Variants in NR3C1 observed in about 807,000 individuals in gnomAD.
NR3C1 encodes the protein nuclear receptor subfamily 3 group C member 1.
NR3C1 carries 14 observed loss-of-function variants against 74.0 expected under a neutral mutation model. The ratio of observed to expected loss-of-function variants is 0.19; its 90% CI spans 0.12 to 0.30. The LOEUF is 0.30. Among genes scored for constraint, NR3C1 ranks in the 10% least tolerant of loss-of-function variants. The pLI, the probability that NR3C1 is intolerant of heterozygous loss-of-function variation, is 1.00. For missense variants in NR3C1, 695 were observed against 909.8 expected (o/e 0.76, Z 3.04); for synonymous variants, 308 against 332.5 (o/e 0.93, Z 0.80).
At chr5:143,418,294 TAGC>T (rs1280045864) in intron 1 of NR3C1, among the ~76,000 whole-genome samples, 1 of 152,212 alleles carries the variant, frequency 6.6e-6, no homozygotes, top group Non-Finnish European at 1.5e-5. Context: ...TTGTGTAACG[TAGC>T]AGACAAAGCA....
intron 7 of NR3C1, among the ~76,000 whole-genome samples, chr5:143,284,429 G>A (rs1344251575): frequency 6.7e-6 from 1 of 150,148 alleles, no homozygotes; most frequent in Non-Finnish European, 1.5e-5. Context: ...TTAATCAGGA[G>A]TGATAACGGC....
At chr5:143,342,305 A>G (rs1828390437) in intron 2 of NR3C1, among the ~76,000 whole-genome samples, 1 of 152,200 alleles carries the variant, frequency 6.6e-6, no homozygotes, top group Non-Finnish European at 1.5e-5. Context: ...GGTTATTTTA[A>G]TCTTGGCAAC....
At chr5:143,361,712 T>A (rs1359272953) in intron 2 of NR3C1, among the ~76,000 whole-genome samples, 1 of 152,198 alleles carries the variant, frequency 6.6e-6, no homozygotes, top group Non-Finnish European at 1.5e-5. Flanking sequence ...CTGTAAGAAA[T>A]TCCTAGATGT....
chr5:143,364,218 C>A (rs190792038), intron 2 of NR3C1, among the ~76,000 whole-genome samples: 113 of 152,314 alleles, frequency 7.4e-4, no homozygotes, highest in Admixed American at 1.4e-3. Context: ...CCATGGAGGT[C>A]AGAAGACAGT....
chr5:143,410,537 A>C (rs552053331), intron 1 of NR3C1, among the ~76,000 whole-genome samples: 1 of 152,154 alleles, frequency 6.6e-6, no homozygotes, highest in South Asian at 2.1e-4. Flanking sequence ...TCAATACAAG[A>C]CCTGGTTTTT....
rs138026280 is a variant in NR3C1 at position 143,368,686 on chromosome 5, G to A, written c.1184+30970C>T. ...AGCAGATGAAAAGATGTTCAACATC[G>A]TTAGTCATTTGGGAGACACAAATAA... is the stretch of plus-strand genomic sequence containing the variant. On this transcript the variant is annotated intron_variant, in intron 2 of 8. Transcript: ENST00000394464. Among the ~76,000 whole-genome samples, 168 of 152,088 alleles carry A rather than the reference G, an allele frequency of 1.1e-3. 3 individuals carry two copies. In the East Asian group the frequency reaches 0.022, roughly 20 times the overall value.
At chr5:143,360,267 A>C (rs1408782176) in intron 2 of NR3C1, among the ~76,000 whole-genome samples, 2 of 152,226 alleles carry the variant, frequency 1.3e-5, no homozygotes, top group Non-Finnish European at 2.9e-5. Flanking sequence ...CACTCTACTA[A>C]TATTTGTAAA....
upstream of NR3C1, chr5:143,405,265 G>T (rs1277370579): frequency 2.0e-6 from 2 of 985,662 alleles, no homozygotes; most frequent in African/African-American, 3.5e-5. Flanking sequence ...GCCAGCTCCT[G>T]ACACGGGCGG....
At chr5:143,421,600 C>T (rs1751237283) in intron 1 of NR3C1, among the ~76,000 whole-genome samples, 1 of 151,936 alleles carries the variant, frequency 6.6e-6, no homozygotes, top group Non-Finnish European at 1.5e-5. Context: ...GTGGGCACAT[C>T]ACTTGAGGTC....
intron 4 of NR3C1, among the ~76,000 whole-genome samples, chr5:143,307,478 G>A (rs2151589730): frequency 6.6e-6 from 1 of 152,172 alleles, no homozygotes; most frequent in East Asian, 1.9e-4. Flanking sequence ...TTTGGATAGG[G>A]AGAAATTGCC....
chr5:143,402,998 G>C (rs559703806), intron 1 of NR3C1, among the ~76,000 whole-genome samples: 40 of 151,534 alleles, frequency 2.6e-4, no homozygotes, highest in Non-Finnish European at 5.2e-4. Flanking sequence ...GCCCGGCCAG[G>C]GGACGCCTGC....
intron 3 of NR3C1, 23 bp from the exon 4 acceptor site, chr5:143,310,236 T>A (rs755346063): frequency 2.7e-5 from 41 of 1,524,626 alleles, no homozygotes; most frequent in Middle Eastern, 3.6e-4. Context: ...AAAGGCACTA[T>A]TAAAGTTTCA....
chr5:143,405,336 C>G (rs113937013), upstream of NR3C1: 17 of 985,600 alleles, frequency 1.7e-5, no homozygotes, highest in South Asian at 7.5e-4. Context: ...TCTCTCACCT[C>G]CCGCCGCGCT....
At chr5:143,293,974 C>A (rs1816545556) in intron 7 of NR3C1, 1 of 984,786 alleles carries the variant, frequency 1.0e-6, no homozygotes. Flanking sequence ...TGCTTAATCA[C>A]TTCTTTAACA....
intron 2 of NR3C1, among the ~76,000 whole-genome samples, chr5:143,352,919 A>G (rs528140780): frequency 1.3e-5 from 2 of 152,118 alleles, no homozygotes; most frequent in South Asian, 2.1e-4. Context: ...TCTTTTCATA[A>G]AAGATTTCTT....
At chr5:143,372,430 A>T (rs1834384716) in intron 2 of NR3C1, among the ~76,000 whole-genome samples, 1 of 152,204 alleles carries the variant, frequency 6.6e-6, no homozygotes, top group Non-Finnish European at 1.5e-5. Flanking sequence ...CAGCATGGAG[A>T]TGCTGAACAA....
intron 3 of NR3C1, among the ~76,000 whole-genome samples, chr5:143,310,781 C>G (rs1011651768): frequency 6.6e-6 from 1 of 152,120 alleles, no homozygotes; most frequent in Non-Finnish European, 1.5e-5. Flanking sequence ...GCTCAGACTC[C>G]CGAGTAGCTG....
At chr5:143,333,038 T>C in intron 2 of NR3C1, 1 of 1,593,852 alleles carries the variant, frequency 6.3e-7, no homozygotes, top group Non-Finnish European at 8.5e-7. Context: ...TGGGGAAGTT[T>C]GGCTTCATTT....
At position 143,358,699 on chromosome 5, in the gene NR3C1, C is replaced by T. The variant is rs181721897; in HGVS notation, c.1184+40957G>A. On this transcript the variant is annotated intron_variant, in intron 2 of 8. Transcript: ENST00000394464. ...GGCGGATCACCTGAGGTCAGGAGTT[C>T]GAGACCAGCCTGACCAACATGGAGA... is the stretch of plus-strand genomic sequence containing the variant. 6.6e-3 allele frequency among the ~76,000 whole-genome samples: 1,003 copies of T among 151,896 alleles called. 13 individuals carry two copies. The highest frequency in any genetic ancestry group is 0.022 in the African/African-American group (910 of 41,416).
Sources: gnomAD v4.1 joint callset for allele counts (sites outside exome capture counted in the v4.1 genomes callset) on GRCh38, gnomAD v4.1.1 for gene constraint, MANE v1.5 for transcripts, NCBI Gene and HGNC (gene_info 2026-07-23, HGNC 2026-07-21) for gene names.